RWDD4: variants seen among roughly 807,000 people sequenced by gnomAD.
RWDD4 encodes the protein RWD domain-containing protein 4.
RWDD4 carries 16 observed loss-of-function variants against 30.0 expected under a neutral mutation model. The observed-to-expected ratio is 0.53, with a 90% CI of 0.36 to 0.81. The LOEUF (loss-of-function observed/expected upper bound fraction) is 0.81. RWDD4 is among the 30% of genes least tolerant of loss of function. RWDD4 has a pLI of 0.00. For missense variants in RWDD4, 170 were observed against 223.9 expected (o/e 0.76, Z 1.54); for synonymous variants, 45 against 72.1 (o/e 0.62, Z 1.90).
At chr4:183,658,761 G>C (rs9790628) in intron 1 of RWDD4, among the ~76,000 whole-genome samples, 168 bp downstream of exon 1, 73,422 of 152,146 alleles carry the variant, frequency 0.48, 18,117 homozygotes, top group Middle Eastern at 0.54. Context: ...CGGACTCCTG[G>C]CCATTCACGC....
At chr4:183,644,662 C>T (rs971839461) in intron 7 of RWDD4, among the ~76,000 whole-genome samples, 1 of 152,048 alleles carries the variant, frequency 6.6e-6, no homozygotes, top group East Asian at 1.9e-4. Flanking sequence ...GCCTGTAGTC[C>T]TAGCTACTTG....
At chr4:183,656,796 C>T (rs998889420) in intron 1 of RWDD4, among the ~76,000 whole-genome samples, 2 of 152,128 alleles carry the variant, frequency 1.3e-5, no homozygotes, top group East Asian at 1.9e-4. Context: ...GAGGCCGAGG[C>T]GGGCGGATCA....
At chr4:183,654,436 G>A (rs1734144350) in intron 2 of RWDD4, among the ~76,000 whole-genome samples, 1 of 152,142 alleles carries the variant, frequency 6.6e-6, no homozygotes, top group Admixed American at 6.5e-5. Flanking sequence ...TGAGGGGTGT[G>A]ACTCAGGCCA....
rs562049819 is a variant in RWDD4, at chr4:183,655,381, A to C, written c.105+500T>G. On this transcript the variant is annotated intron_variant, in intron 2 of 7. Transcript: ENST00000326397. ...ACTGCAAGCTCTGCCTCCCGGGTTC[A>C]CGCCATTCTCCTGCCTCAGCCTCCC... Among the ~76,000 whole-genome samples the C allele has an allele frequency of 3.3e-5, 5 of 151,498 alleles. No homozygotes were observed. The East Asian group carries it at 7.8e-4, about 24-fold the overall frequency.
At position 183,649,552 on chromosome 4, in the gene RWDD4, A is replaced by T; in HGVS notation, c.380T>A (p.Ile127Asn). The change falls in exon 5 of 8, where the codon ATC (isoleucine) becomes AAC (asparagine). Residue 127 changes from isoleucine (I) to asparagine (N), a missense_variant. Physicochemically the swap from Ile to Asn is moderately radical, Grantham distance 149. Transcript: ENST00000326397. Reference sequence around the variant, plus strand: ...TGTATTAGGAGTTTCAATTGAGATGATATTGCTTATCGATGTCTAAAAAAA... The same window carrying T: ...TGTATTAGGAGTTTCAATTGAGATGTTATTGCTTATCGATGTCTAAAAAAA... The part of the protein sequence containing the change: ...PINSATSISN[I>N]ISIETPNTAP... 6.4e-7 allele frequency: 1 copy of T among 1,571,898 alleles called. No homozygotes were observed.
rs1485360753 is a variant in RWDD4, at chr4:183,640,800, C to T, written c.*636G>A. Reference sequence around the variant, plus strand: ...TTATATTCTCCTATTCCACATACCACTCAAAGCACTCATGATCAAACATCT... The same window carrying T: ...TTATATTCTCCTATTCCACATACCATTCAAAGCACTCATGATCAAACATCT... On this transcript the variant is annotated 3_prime_UTR_variant, in exon 8 of 8. Transcript: ENST00000326397. 1 of 106,246 alleles carries T rather than the reference C, an allele frequency of 9.4e-6. No homozygotes were observed. Among genetic ancestry groups the T allele is most frequent in the Admixed American group, 1.1e-4 (1 of 9,204 alleles). 6.6% of individuals were successfully genotyped at this position (106,246 alleles called of 1,614,324 possible).
intron 6 of RWDD4, 22 bp downstream of exon 6, chr4:183,646,466 C>A (rs778661430): frequency 3.1e-6 from 5 of 1,607,518 alleles, no homozygotes; most frequent in Non-Finnish European, 3.4e-6. Flanking sequence ...AGTTTAAAGA[C>A]TAGAATATAA....
At chr4:183,641,502 G>C (rs780931063) in intron 7 of RWDD4, 34 bp from the exon 8 acceptor site, 3 of 1,538,550 alleles carry the variant, frequency 1.9e-6, no homozygotes, top group Non-Finnish European at 2.7e-6. Flanking sequence ...GTCAACAAGT[G>C]GTATTTTCTG....
chr4:183,649,095 GC>G (rs1454986175), intron 5 of RWDD4, among the ~76,000 whole-genome samples: 1 of 151,692 alleles, frequency 6.6e-6, no homozygotes, highest in African/African-American at 2.4e-5. Context: ...ACACTAAGAA[GC>G]AATCCATTTA....
rs1457789113 is a variant in RWDD4 at position 183,655,948 on chromosome 4, G to T, written c.38C>A (p.Ala13Glu). Reference protein sequence around the residue: ...ANEDQEMELEALRSIYEGDES... With the variant: ...ANEDQEMELEELRSIYEGDES... ...ATCTCCTTCATAAATAGAGCGTAAT[G>T]CTTCTAGTTCCATCTGAAATAAAGA... The change falls in exon 2 of 8, where the codon GCA becomes GAA. Residue 13 changes from alanine (A) to glutamate (E), a missense_variant. Coordinates refer to ENST00000326397, the MANE Select transcript of RWDD4 (RefSeq NM_152682.4). 1 of 1,608,728 alleles carries T rather than the reference G, an allele frequency of 6.2e-7. No individual in the cohort carries two copies.
rs368394514 is a variant in RWDD4, at chr4:183,650,997, G to A, written c.350C>T (p.Pro117Leu). The change falls in exon 4 of 8, where the codon CCC (proline) becomes CTC (leucine). Residue 117 changes from proline (P) to leucine (L), a missense_variant. Coordinates refer to ENST00000326397, the MANE Select transcript of RWDD4 (RefSeq NM_152682.4). ...TCACATACTCACTGCGGAATTGATG[G>A]GATTGTGATTCTCCATGAACTGCTC... ...NKEQFMENHNPINSATSISNI... is the reference protein window; with the variant it reads ...NKEQFMENHNLINSATSISNI... 1.4e-5 allele frequency: 23 copies of A among 1,610,340 alleles called. No individual in the cohort carries two copies. Among genetic ancestry groups the A allele is most frequent in the Non-Finnish European group, 2.0e-5 (23 of 1,179,100 alleles).
chr4:183,642,229 G>A (rs559417892), intron 7 of RWDD4, among the ~76,000 whole-genome samples: 1 of 72,258 alleles, frequency 1.4e-5, no homozygotes, highest in African/African-American at 9.8e-5. Flanking sequence ...TCGCTCTGTC[G>A]CCCAGGCTGG....
chr4:183,641,983 G>C (rs909444211), intron 7 of RWDD4, among the ~76,000 whole-genome samples: 3 of 151,820 alleles, frequency 2.0e-5, no homozygotes, highest in Admixed American at 1.3e-4. Context: ...TCTTTGGCAG[G>C]GGTTGGCAAA....
At chr4:183,652,557 C>T (rs907196483) in intron 2 of RWDD4, among the ~76,000 whole-genome samples, 1 of 151,852 alleles carries the variant, frequency 6.6e-6, no homozygotes, top group Non-Finnish European at 1.5e-5. Flanking sequence ...CATGTCTGTA[C>T]TCTCAGCACT....
At chr4:183,642,005 G>C (rs1337578539) in intron 7 of RWDD4, among the ~76,000 whole-genome samples, 2 of 151,828 alleles carry the variant, frequency 1.3e-5, no homozygotes, top group Non-Finnish European at 2.9e-5. Context: ...TTGGGGTAAG[G>C]GGAGGCAGAT....
intron 4 of RWDD4, among the ~76,000 whole-genome samples, chr4:183,650,313 T>C (rs556523046): frequency 1.4e-3 from 210 of 152,328 alleles, no homozygotes; most frequent in Non-Finnish European, 2.5e-3. Flanking sequence ...CAGTTGCCTC[T>C]TGGGGTTCTG....
At position 183,658,941 on chromosome 4, in the gene RWDD4, G is replaced by A. The variant is rs772345372; in HGVS notation, c.12C>T (p.Asn4=). Residue 4 remains asparagine, a synonymous_variant, in exon 1 of 8, where the codon AAC becomes AAT. Transcript: ENST00000326397. ...CCGGGGGGCTCACCTCCTGGTCCTC[G>A]TTGGCACTCATCGCGCCGGTCGCGG... MSA[N]EDQEMELEAL... 1 of 1,273,984 alleles carries A rather than the reference G, an allele frequency of 7.8e-7. No homozygotes were observed. The highest frequency in any genetic ancestry group is 2.9e-5 in the East Asian group (1 of 34,568). 78.9% of individuals were successfully genotyped at this position (1,273,984 alleles called of 1,614,324 possible). A position where few individuals can be genotyped will look rare whatever the true frequency, so the allele number is the denominator to read the frequency against.
intron 5 of RWDD4, among the ~76,000 whole-genome samples, chr4:183,647,766 AGTTTAATG>A (rs1733990805): frequency 6.6e-6 from 1 of 152,242 alleles, no homozygotes; most frequent in Non-Finnish European, 1.5e-5. Flanking sequence ...TTGTTTTTAG[AGTTTAATG>A]CTGCTCTGAC....
At chr4:183,645,857 G>A (rs948888455) in intron 7 of RWDD4, among the ~76,000 whole-genome samples, 9 of 152,120 alleles carry the variant, frequency 5.9e-5, no homozygotes, top group Non-Finnish European at 1.2e-4. Flanking sequence ...TCCATATATT[G>A]TTGATAACTT....
Sources: gnomAD v4.1 joint callset for allele counts (sites outside exome capture counted in the v4.1 genomes callset) on GRCh38, gnomAD v4.1.1 for gene constraint, MANE v1.5 for transcripts, NCBI Gene and HGNC (gene_info 2026-07-23, HGNC 2026-07-21) for gene names.